HMGCLL1: variants seen among roughly 807,000 people sequenced by gnomAD.
HMGCLL1 encodes the protein 3-hydroxymethyl-3-methylglutaryl-CoA lyase, cytoplasmic.
HMGCLL1 carries 36 observed loss-of-function variants against 39.1 expected under a neutral mutation model. The ratio of observed to expected loss-of-function variants is 0.92; its 90% CI spans 0.71 to 1.22. The LOEUF is 1.22. HMGCLL1 is among the 50% of genes most tolerant of loss of function. HMGCLL1 has a pLI of 0.00. For synonymous variants in HMGCLL1, 149 were observed against 144.0 expected (o/e 1.03, Z -0.25); for missense variants, 451 against 416.5 (o/e 1.08, Z -0.72).
the HMGCLL1 span, among the ~76,000 whole-genome samples, chr6:55,659,597 C>T: frequency 6.6e-6 from 1 of 151,814 alleles, no homozygotes; most frequent in Non-Finnish European, 1.5e-5. Flanking sequence ...CATACTTTTC[C>T]TTTTACTGTT....
intron 1 of HMGCLL1, among the ~76,000 whole-genome samples, chr6:55,547,449 C>CT (rs147711766): frequency 6.6e-6 from 1 of 151,762 alleles, no homozygotes; most frequent in Non-Finnish European, 1.5e-5. Flanking sequence ...ACAAGTACTG[C>CT]TTTTTTTTCC....
At chr6:55,671,809 A>G in the HMGCLL1 span, among the ~76,000 whole-genome samples, 3 of 151,704 alleles carry the variant, frequency 2.0e-5, no homozygotes, top group Non-Finnish European at 4.4e-5. Flanking sequence ...GATATAGTCC[A>G]TTATTAGGGT....
the HMGCLL1 span, among the ~76,000 whole-genome samples, chr6:55,646,398 G>T: frequency 6.6e-6 from 1 of 150,880 alleles, no homozygotes; most frequent in Non-Finnish European, 1.5e-5. Flanking sequence ...TTTATTTATT[G>T]TCTGATCTTT....
chr6:55,507,273 A>G (rs1046906109), intron 5 of HMGCLL1, among the ~76,000 whole-genome samples: 3 of 151,762 alleles, frequency 2.0e-5, no homozygotes, highest in African/African-American at 7.3e-5. Flanking sequence ...AAAAGAGTAT[A>G]CATAGGGTTT....
chr6:55,632,045 T>C, the HMGCLL1 span, among the ~76,000 whole-genome samples: 2 of 152,150 alleles, frequency 1.3e-5, no homozygotes, highest in African/African-American at 4.8e-5. Context: ...TTGTTTTGCT[T>C]TGTTTTTAAA....
At chr6:55,470,311 A>G (rs191370680) in intron 7 of HMGCLL1, among the ~76,000 whole-genome samples, 2,225 of 151,912 alleles carry the variant, frequency 0.015, 32 homozygotes, top group Non-Finnish European at 0.025. Context: ...AGAATATTTT[A>G]CCAGCCACAT....
chr6:55,439,706 G>A (rs1431897090), intron 7 of HMGCLL1, 147 bp from the exon 8 acceptor site: 1 of 688,710 alleles, frequency 1.5e-6, no homozygotes, highest in African/African-American at 1.8e-5. Flanking sequence ...CTCTAGAATG[G>A]TCCCCAGGGT....
At chr6:55,579,970 G>T (rs1270243957), upstream of HMGCLL1, among the ~76,000 whole-genome samples, 2 of 152,026 alleles carry the variant, frequency 1.3e-5, no homozygotes, top group African/African-American at 2.4e-5. Context: ...AATAATCTTC[G>T]CAGTGGGTTC....
Position 55,579,175 on chromosome 6 carries a change from G to T in HMGCLL1, c.-120C>A. The stretch of plus-strand genomic sequence containing the variant: ...CGCCCCTCCGGTGCACTGGCTGTGA[G>T]GACCAGAGCTGTTCTGCGCACTGCG... On this transcript the variant is annotated 5_prime_UTR_variant, in exon 1 of 9. Transcript: ENST00000274901. The T allele has an allele frequency of 1.3e-6, 1 of 761,008 alleles. No homozygotes were observed. The highest frequency in any genetic ancestry group is 2.2e-6 in the Non-Finnish European group (1 of 449,602). The allele number at this position is 761,008 out of a possible 1,614,324, so 47.1% of individuals were successfully genotyped here.
chr6:55,617,510 G>T, the HMGCLL1 span, among the ~76,000 whole-genome samples: 1 of 152,100 alleles, frequency 6.6e-6, no homozygotes, highest in East Asian at 1.9e-4. Context: ...CTGCTAGGTT[G>T]TGAGGAGAGG....
intron 1 of HMGCLL1, among the ~76,000 whole-genome samples, chr6:55,552,079 T>C (rs1449681476): frequency 6.6e-6 from 1 of 151,952 alleles, no homozygotes; most frequent in Non-Finnish European, 1.5e-5. Flanking sequence ...TAATAAATTA[T>C]AAAAGTAATT....
rs1763374647 is a variant in HMGCLL1, at chr6:55,436,399, A to G, written c.922-636T>C. Among the ~76,000 whole-genome samples the G allele has an allele frequency of 3.3e-5, 5 of 152,042 alleles. No homozygotes were observed. In the South Asian group the frequency reaches 1.0e-3, roughly 31 times the overall value. ...GTATAAATAGGATCAACAAAAGCTC[A>G]GGTAAATCCATGGATGACAGATATG... is the stretch of plus-strand genomic sequence containing the variant. On this transcript the variant is annotated intron_variant, in intron 8 of 8. Coordinates refer to ENST00000274901, the MANE Select transcript of HMGCLL1 (RefSeq NM_001042406.2).
intron 1 of HMGCLL1, among the ~76,000 whole-genome samples, chr6:55,547,802 C>G (rs1295524263): frequency 6.6e-6 from 1 of 152,034 alleles, no homozygotes; most frequent in Non-Finnish European, 1.5e-5. Flanking sequence ...GTTAAACTCT[C>G]CACATTCTGC....
chr6:55,579,141 T>C lies in HMGCLL1; in HGVS notation c.-86A>G. 2.0e-6 allele frequency: 2 copies of C among 1,014,476 alleles called. No individual in the cohort carries two copies. Among genetic ancestry groups the C allele is most frequent in the Non-Finnish European group, 1.5e-6 (1 of 665,888 alleles). 62.8% of individuals were successfully genotyped at this position (1,014,476 alleles called of 1,614,324 possible). A position where few individuals can be genotyped will look rare whatever the true frequency, so the allele number is the denominator to read the frequency against. On this transcript the variant is annotated 5_prime_UTR_variant, in exon 1 of 9. Transcript: ENST00000274901. ...CACCGCGCTGGGAAACTGCGCCAGC[T>C]CGGGAGCGCGCCCCTCCGGTGCACT...
At chr6:55,498,966 A>G (rs181869125) in intron 6 of HMGCLL1, among the ~76,000 whole-genome samples, 157 of 152,178 alleles carry the variant, frequency 1.0e-3, no homozygotes, top group African/African-American at 3.5e-3. Context: ...TAGCCACAAA[A>G]AAACAAAATG....
chr6:55,642,127 C>T, the HMGCLL1 span, among the ~76,000 whole-genome samples: 3 of 125,130 alleles, frequency 2.4e-5, no homozygotes, highest in African/African-American at 9.1e-5. Context: ...TCTCATTGTT[C>T]AATTCCCACC....
the HMGCLL1 span, among the ~76,000 whole-genome samples, chr6:55,598,207 G>A: frequency 6.6e-6 from 1 of 152,092 alleles, no homozygotes; most frequent in African/African-American, 2.4e-5. Context: ...CAAATGTCTT[G>A]TATATACAGA....
At chr6:55,493,877 C>T (rs1252770315) in intron 7 of HMGCLL1, among the ~76,000 whole-genome samples, 1 of 151,986 alleles carries the variant, frequency 6.6e-6, no homozygotes, top group Non-Finnish European at 1.5e-5. Flanking sequence ...GGACTACAGG[C>T]GCCCACCACC....
intron 7 of HMGCLL1, among the ~76,000 whole-genome samples, chr6:55,457,039 G>C (rs1435486188): frequency 6.6e-6 from 1 of 152,068 alleles, no homozygotes; most frequent in African/African-American, 2.4e-5. Flanking sequence ...ATGCTTTTTT[G>C]TCCGATGTTC....
Sources: gnomAD v4.1 joint callset for allele counts (sites outside exome capture counted in the v4.1 genomes callset) on GRCh38, gnomAD v4.1.1 for gene constraint, MANE v1.5 for transcripts, NCBI Gene and HGNC (gene_info 2026-07-23, HGNC 2026-07-21) for gene names.